LDLRAD4: variants seen among roughly 807,000 people sequenced by gnomAD.
LDLRAD4 encodes low density lipoprotein receptor class A domain containing 4.
In LDLRAD4, 5 loss-of-function variants were observed where a neutral mutation model predicts 17.0. The ratio of observed to expected loss-of-function variants is 0.29; its 90% CI spans 0.15 to 0.62. The LOEUF is 0.62. Ranked by LOEUF, LDLRAD4 falls within the 20% of genes least tolerant of loss-of-function variation. The pLI is 0.84. For missense variants in LDLRAD4, 340 were observed against 424.7 expected, an observed-to-expected ratio of 0.80 and a Z score of 1.75; for synonymous variants, 168 against 171.8, an observed-to-expected ratio of 0.98 and a Z score of 0.17.
At chr18:13,347,622 T>G (rs1011991568) in intron 1 of LDLRAD4, among the ~76,000 whole-genome samples, 4 of 152,240 alleles carry the variant, frequency 2.6e-5, no homozygotes, top group Non-Finnish European at 5.9e-5. Flanking sequence ...TTGGCCTGCC[T>G]TGCTAGATTG....
intron 3 of LDLRAD4, among the ~76,000 whole-genome samples, chr18:13,523,808 G>T (rs187034871): frequency 1.3e-5 from 2 of 152,308 alleles, no homozygotes; most frequent in East Asian, 3.9e-4. Context: ...CTGGTGACAC[G>T]AACCTTTTGC....
At chr18:13,261,882 A>G (rs2043835236) in intron 1 of LDLRAD4, among the ~76,000 whole-genome samples, 1 of 152,056 alleles carries the variant, frequency 6.6e-6, no homozygotes, top group African/African-American at 2.4e-5. Flanking sequence ...AGAGCTTGAG[A>G]GAGCAAAGAG....
At chr18:13,310,940 G>C (rs1216767536) in intron 1 of LDLRAD4, among the ~76,000 whole-genome samples, 2 of 152,194 alleles carry the variant, frequency 1.3e-5, no homozygotes, top group African/African-American at 2.4e-5. Flanking sequence ...TTCAATCCCT[G>C]TTACATCCGC....
intron 5 of LDLRAD4, 52 bp downstream of exon 6, chr18:13,643,464 G>GGGGGGGCC: frequency 1.0e-5 from 3 of 288,988 alleles, no homozygotes; most frequent in Non-Finnish European, 1.9e-5. Flanking sequence ...GGTGGGTGGG[G>GGGGGGGCC]ATGAAGGGGG....
chr18:13,580,006 C>A (rs1473776912), intron 3 of LDLRAD4, among the ~76,000 whole-genome samples: 1 of 152,188 alleles, frequency 6.6e-6, no homozygotes, highest in East Asian at 1.9e-4. Context: ...TCCTCTAGTT[C>A]ACTGCATGTC....
At chr18:13,285,602 G>A (rs886551619) in intron 1 of LDLRAD4, among the ~76,000 whole-genome samples, 1 of 152,190 alleles carries the variant, frequency 6.6e-6, no homozygotes, top group African/African-American at 2.4e-5. Context: ...CTTGGGAGAG[G>A]GTTCCGCTGT....
chr18:13,442,197 T>C (rs2091068189), intron 3 of LDLRAD4, among the ~76,000 whole-genome samples: 2 of 152,200 alleles, frequency 1.3e-5, no homozygotes, highest in Admixed American at 1.3e-4. Context: ...TACTAGGCCT[T>C]GTGGAAACGA....
intron 3 of LDLRAD4, among the ~76,000 whole-genome samples, chr18:13,453,796 C>A (rs2091973302): frequency 6.6e-6 from 1 of 152,234 alleles, no homozygotes; most frequent in African/African-American, 2.4e-5. Context: ...CTCATTACCT[C>A]CCAGCCCCGT....
At chr18:13,241,980 G>A (rs999089731) in intron 1 of LDLRAD4, 1 of 152,272 alleles carries the variant, frequency 6.6e-6, no homozygotes, top group Non-Finnish European at 1.5e-5. Flanking sequence ...GCGTCATCAC[G>A]CGAGGCCAGT....
upstream of LDLRAD4, among the ~76,000 whole-genome samples, chr18:13,276,741 C>T (rs954258473): frequency 6.6e-6 from 1 of 152,154 alleles, no homozygotes; most frequent in Non-Finnish European, 1.5e-5. Context: ...CTATGTAGGT[C>T]GCCTGGTGTG....
chr18:13,483,606 C>T (rs2093148951), intron 3 of LDLRAD4, among the ~76,000 whole-genome samples: 1 of 152,122 alleles, frequency 6.6e-6, no homozygotes, highest in Admixed American at 6.5e-5. Context: ...GGCTTCTGGC[C>T]CCTAGTCGGC....
chr18:13,627,068 G>T (rs1229348209), intron 4 of LDLRAD4, among the ~76,000 whole-genome samples: 1 of 152,198 alleles, frequency 6.6e-6, no homozygotes, highest in Non-Finnish European at 1.5e-5. Flanking sequence ...TCAGGAGTTT[G>T]AGACCAGCCC....
At chr18:13,232,922 C>T (rs1424362666) in intron 1 of LDLRAD4, among the ~76,000 whole-genome samples, 3 of 152,202 alleles carry the variant, frequency 2.0e-5, no homozygotes, top group Admixed American at 2.0e-4. Flanking sequence ...CTGGTGTGGT[C>T]CTCCTGGTTC....
intron 3 of LDLRAD4, among the ~76,000 whole-genome samples, chr18:13,498,962 TGC>T (rs2093550644): frequency 3.4e-5 from 4 of 118,662 alleles, no homozygotes; most frequent in East Asian, 5.6e-4. Flanking sequence ...ATACATGTCC[TGC>T]TGTGGACACT....
chr18:13,587,226 T>G (rs755201574), intron 3 of LDLRAD4, among the ~76,000 whole-genome samples: 1 of 152,176 alleles, frequency 6.6e-6, no homozygotes, highest in Admixed American at 6.5e-5. Context: ...TCTAACAGGT[T>G]CCCAGGTGAT....
At chr18:13,359,812 C>A (rs2083556592) in intron 1 of LDLRAD4, among the ~76,000 whole-genome samples, 2 of 152,210 alleles carry the variant, frequency 1.3e-5, no homozygotes. Flanking sequence ...TTGAGCACTT[C>A]TTGATACAGG....
At chr18:13,255,341 C>T (rs990754187) in intron 1 of LDLRAD4, among the ~76,000 whole-genome samples, 3 of 152,178 alleles carry the variant, frequency 2.0e-5, no homozygotes, top group African/African-American at 7.2e-5. Flanking sequence ...GTTTGATGTA[C>T]TGGGGTCCGA....
Position 13,300,220 on chromosome 18 carries a change from G to A in LDLRAD4, c.-383+22032G>A, listed in dbSNP as rs2046511342. ...CAGCAGGTGCCTCCTTACAGTTGGA[G>A]TCTGTCCAGGCACAGCAGAGAGCCA... On this transcript the variant is annotated intron_variant, in intron 1 of 5. Transcript: ENST00000359446. The surrounding 1 kb of genome is among the most constrained non-coding windows in gnomAD (Gnocchi z 4.2). Among the ~76,000 whole-genome samples, 2 of 152,202 alleles carry A rather than the reference G, an allele frequency of 1.3e-5. No individual in the cohort carries two copies. Among genetic ancestry groups the A allele is most frequent in the South Asian group, 4.1e-4 (2 of 4,832 alleles).
At chr18:13,494,760 T>C in intron 3 of LDLRAD4, among the ~76,000 whole-genome samples, 1 of 147,356 alleles carries the variant, frequency 6.8e-6, no homozygotes, top group East Asian at 1.9e-4. Flanking sequence ...TTAAGGAAGT[T>C]TGGGTGCCCC....
Sources: allele counts gnomAD v4.1 joint callset (sites outside exome capture counted in the v4.1 genomes callset), GRCh38; gene constraint gnomAD v4.1.1; non-coding constraint Gnocchi (gnomAD v3.1); transcripts MANE v1.5; gene names NCBI Gene and HGNC (gene_info 2026-07-23, HGNC 2026-07-21).